The following ADAMTSL1 variants were observed in gnomAD, a reference collection of about 807,000 sequenced individuals.
The protein encoded by ADAMTSL1 is ADAMTS like 1, also known as ADAMTS-like protein 1.
A neutral mutation model predicts 201.8 loss-of-function variants in ADAMTSL1; 126 were observed. The observed-to-expected ratio is 0.62, with a 90% CI of 0.54 to 0.72. The LOEUF (loss-of-function observed/expected upper bound fraction) is 0.72, where lower values mean the gene tolerates loss of function less well. Among genes scored for constraint, ADAMTSL1 ranks in the 30% least tolerant of loss-of-function variants. The probability of loss-of-function intolerance (pLI) is 0.00; values close to 1 mark genes in which losing one functional copy is unlikely to be tolerated. For missense variants in ADAMTSL1, 2,679 were observed against 2,277.8 expected, an observed-to-expected ratio of 1.18 and a Z score of -3.59; for synonymous variants, 1,121 against 903.4, an observed-to-expected ratio of 1.24 and a Z score of -4.32.
chr9:18,125,477 G>C (rs1218629176), intron 1 of ADAMTSL1, among the ~76,000 whole-genome samples: 1 of 152,064 alleles, frequency 6.6e-6, no homozygotes, highest in Non-Finnish European at 1.5e-5. Context: ...TGCTTTTGCT[G>C]TCATATCTAA....
chr9:18,897,248 G>C (rs990347649), intron 26 of ADAMTSL1, among the ~76,000 whole-genome samples: 1 of 152,220 alleles, frequency 6.6e-6, no homozygotes, highest in East Asian at 1.9e-4. Flanking sequence ...CCGGGGGAAG[G>C]GGCAGTGAGT....
intron 1 of ADAMTSL1, among the ~76,000 whole-genome samples, chr9:17,996,849 A>G (rs903644463): frequency 6.6e-6 from 1 of 152,188 alleles, no homozygotes; most frequent in African/African-American, 2.4e-5. Flanking sequence ...GCAAGGCAGC[A>G]TTTGTTATTG....
intron 8 of ADAMTSL1, among the ~76,000 whole-genome samples, chr9:18,659,118 GA>G (rs1401552122): frequency 6.6e-6 from 1 of 152,170 alleles, no homozygotes; most frequent in Non-Finnish European, 1.5e-5. Flanking sequence ...TAGTTTCATA[GA>G]AGCCAGTTAA....
At chr9:18,811,012 C>CAAAAAAAAAAAA (rs76456235) in intron 20 of ADAMTSL1, among the ~76,000 whole-genome samples, 12 of 38,780 alleles carry the variant, frequency 3.1e-4, no homozygotes, top group East Asian at 2.0e-3. Context: ...CAATGAGTAC[C>CAAAAAAAAAAAA]AAAAAAAAAA....
At chr9:18,908,325 C>G in intron 28 of ADAMTSL1, 117 bp from the exon 29 acceptor site, 1 of 851,528 alleles carries the variant, frequency 1.2e-6, no homozygotes, top group Non-Finnish European at 1.9e-6. Flanking sequence ...AAGGCAGACC[C>G]CAGGATGTAC....
intron 4 of ADAMTSL1, among the ~76,000 whole-genome samples, chr9:18,610,842 GATAACAT>G (rs1223032687): frequency 6.6e-6 from 1 of 152,138 alleles, no homozygotes; most frequent in Non-Finnish European, 1.5e-5. Flanking sequence ...ATTGACTTCA[GATAACAT>G]ATCCAGACAT....
At chr9:18,538,757 G>T (rs890311092) in intron 3 of ADAMTSL1, among the ~76,000 whole-genome samples, 1 of 152,132 alleles carries the variant, frequency 6.6e-6, no homozygotes, top group African/African-American at 2.4e-5. Context: ...GTGGGCGTAA[G>T]GTAAATTCCC....
chr9:18,033,378 C>T (rs752283526), intron 1 of ADAMTSL1, among the ~76,000 whole-genome samples: 9 of 152,054 alleles, frequency 5.9e-5, no homozygotes, highest in Non-Finnish European at 1.3e-4. Flanking sequence ...TAATCTGTGT[C>T]AATTAAGAAA....
intron 2 of ADAMTSL1, among the ~76,000 whole-genome samples, chr9:18,257,679 A>G (rs1190119168): frequency 6.6e-6 from 1 of 152,204 alleles, no homozygotes; most frequent in Non-Finnish European, 1.5e-5. Context: ...TTCTCTTTCT[A>G]GATATATACC....
chr9:18,066,284 T>A (rs532958213), intron 1 of ADAMTSL1, among the ~76,000 whole-genome samples: 1 of 152,292 alleles, frequency 6.6e-6, no homozygotes, highest in East Asian at 1.9e-4. Flanking sequence ...AGAAGTATTA[T>A]AATAAATTGC....
rs112662116 is a variant in ADAMTSL1, at chr9:18,703,152, T to A, written c.1575-3595T>A. On this transcript the variant is annotated intron_variant, in intron 13 of 28. Transcript: ENST00000380548. ...GTACTGATTTAAAAACAAAAAAAAA[T>A]TTCCCTCTATTTTAAAGGTCCCTCT... is the stretch of plus-strand genomic sequence containing the variant. Among the ~76,000 whole-genome samples, 957 of 152,198 alleles carry A rather than the reference T, an allele frequency of 6.3e-3. 7 individuals carry two copies. The highest frequency in any genetic ancestry group is 0.02 in the African/African-American group (832 of 41,520).
At position 18,641,575 on chromosome 9, in the gene ADAMTSL1, G is replaced by C. The variant is rs1207749247; in HGVS notation, c.834+2164G>C. On this transcript the variant is annotated intron_variant, in intron 7 of 28. Transcript: ENST00000380548. ...CTAAGAGTATATATCTTTTTCTTCA[G>C]TGTTTCTTTAGAAAACACTGGGAAT... 3.9e-5 allele frequency among the ~76,000 whole-genome samples: 6 copies of C among 152,008 alleles called. No individual in the cohort carries two copies. In the East Asian group the frequency reaches 1.2e-3, roughly 29 times the overall value.
At chr9:18,198,286 C>T (rs1310163914) in intron 2 of ADAMTSL1, among the ~76,000 whole-genome samples, 2 of 150,030 alleles carry the variant, frequency 1.3e-5, no homozygotes, top group African/African-American at 4.9e-5. Flanking sequence ...AGAGCTTCTG[C>T]ACAGCAAAAG....
chr9:18,499,840 C>G (rs1454170939), intron 1 of ADAMTSL1, among the ~76,000 whole-genome samples: 2 of 152,188 alleles, frequency 1.3e-5, no homozygotes, highest in Non-Finnish European at 2.9e-5. Context: ...TGTTATATGA[C>G]TTCAATTTTA....
chr9:17,955,412 A>C (rs1827892385), intron 1 of ADAMTSL1, among the ~76,000 whole-genome samples: 1 of 152,196 alleles, frequency 6.6e-6, no homozygotes, highest in Non-Finnish European at 1.5e-5. Context: ...TAATCTTACA[A>C]TTTGAAATTC....
At chr9:17,929,046 G>C (rs16936123) in intron 1 of ADAMTSL1, among the ~76,000 whole-genome samples, 10,209 of 152,062 alleles carry the variant, frequency 0.067, 403 homozygotes, top group Middle Eastern at 0.13. Context: ...AGAAGGAAAG[G>C]CTTGGATTAC....
chr9:18,321,791 TC>T (rs1334954495), intron 2 of ADAMTSL1, among the ~76,000 whole-genome samples: 1 of 152,044 alleles, frequency 6.6e-6, no homozygotes, highest in Non-Finnish European at 1.5e-5. Flanking sequence ...AGACTCCATG[TC>T]AAAAAAACCA....
At chr9:18,207,224 AT>A (rs1468480895) in intron 2 of ADAMTSL1, among the ~76,000 whole-genome samples, 1 of 152,094 alleles carries the variant, frequency 6.6e-6, no homozygotes, top group Non-Finnish European at 1.5e-5. Flanking sequence ...GAAGGTAGGA[AT>A]GAGAGAGAGG....
At chr9:18,687,683 G>A (rs563039471) in intron 13 of ADAMTSL1, among the ~76,000 whole-genome samples, 4 of 152,330 alleles carry the variant, frequency 2.6e-5, no homozygotes, top group African/African-American at 9.6e-5. Flanking sequence ...TTCGATGTTA[G>A]ATACTTTTAG....
Sources: allele counts gnomAD v4.1 joint callset (sites outside exome capture counted in the v4.1 genomes callset), GRCh38; gene constraint gnomAD v4.1.1; transcripts MANE v1.5; gene names NCBI Gene and HGNC (gene_info 2026-07-23, HGNC 2026-07-21).